CRACD: variants seen among roughly 807,000 people sequenced by gnomAD.
CRACD encodes the protein capping protein inhibiting regulator of actin dynamics.
CRACD carries 56 observed loss-of-function variants against 106.8 expected under a neutral mutation model. The observed-to-expected ratio is 0.52, with a 90% CI of 0.42 to 0.66. The LOEUF is 0.66. CRACD is among the 30% of genes least tolerant of loss of function. The probability of loss-of-function intolerance (pLI) is 0.00; values close to 1 mark genes in which losing one functional copy is unlikely to be tolerated. For missense variants in CRACD, 1,730 were observed against 1,623.2 expected, an observed-to-expected ratio of 1.07 and a Z score of -1.13; for synonymous variants, 754 against 670.8, an observed-to-expected ratio of 1.12 and a Z score of -1.92.
rs11935116 is a variant in CRACD at position 56,216,703 on chromosome 4, G to A, written c.-189+37273G>A. Among the ~76,000 whole-genome samples the A allele has an allele frequency of 1.9e-3, 285 of 152,266 alleles. 2 individuals are homozygous for A. Among genetic ancestry groups the A allele is most frequent in the Admixed American group, 8.1e-3 (124 of 15,300 alleles). ...ATTCTGAAGTAGAAAATGTCAGGCC[G>A]GGCGCGGTGGCTCACGCCTGTAATC... On this transcript the variant is annotated intron_variant, in intron 2 of 10. Coordinates refer to ENST00000682029, the MANE Select transcript of CRACD (RefSeq NM_001393381.1).
At chr4:56,258,285 G>C (rs927219768) in intron 2 of CRACD, among the ~76,000 whole-genome samples, 1 of 152,006 alleles carries the variant, frequency 6.6e-6, no homozygotes, top group Non-Finnish European at 1.5e-5. Flanking sequence ...TGACCTGAAG[G>C]CACCTCCCCA....
chr4:56,302,349 A>G (rs1428431548), intron 4 of CRACD, among the ~76,000 whole-genome samples: 1 of 152,218 alleles, frequency 6.6e-6, no homozygotes, highest in Non-Finnish European at 1.5e-5. Flanking sequence ...GTATGTACCA[A>G]CTGGTGATAA....
chr4:56,293,130 C>G (rs919486210), intron 3 of CRACD, among the ~76,000 whole-genome samples: 3 of 152,128 alleles, frequency 2.0e-5, no homozygotes, highest in Admixed American at 6.5e-5. Flanking sequence ...GAACTGGAAG[C>G]AGGTCCATAG....
chr4:56,300,842 TA>T (rs1460075365), intron 4 of CRACD, among the ~76,000 whole-genome samples: 3 of 152,170 alleles, frequency 2.0e-5, no homozygotes, highest in Non-Finnish European at 2.9e-5. Flanking sequence ...AGAAACCCAA[TA>T]AAAATATTTC....
At chr4:56,271,468 G>A (rs925886653) in intron 2 of CRACD, among the ~76,000 whole-genome samples, 7 of 152,120 alleles carry the variant, frequency 4.6e-5, no homozygotes, top group Non-Finnish European at 2.9e-5. Context: ...GAATTAGGGG[G>A]CAAAGCTTAT....
intron 1 of CRACD, among the ~76,000 whole-genome samples, chr4:56,156,889 A>T (rs543130917): frequency 6.6e-6 from 1 of 152,320 alleles, no homozygotes; most frequent in Non-Finnish European, 1.5e-5. Flanking sequence ...TTCTGCCTGT[A>T]CCTATTACCA....
chr4:56,073,381 T>C (rs913747914), intron 1 of CRACD, among the ~76,000 whole-genome samples: 3 of 152,132 alleles, frequency 2.0e-5, no homozygotes, highest in African/African-American at 7.2e-5. Context: ...TTGTCGTGTG[T>C]TTGTTGGCTG....
intron 4 of CRACD, among the ~76,000 whole-genome samples, chr4:56,305,712 G>T (rs1045105345): frequency 1.3e-5 from 2 of 152,192 alleles, no homozygotes; most frequent in Non-Finnish European, 2.9e-5. Flanking sequence ...CCCTTGCCTG[G>T]CTGTGCTCCT....
At chr4:56,105,525 C>T (rs563547755) in intron 1 of CRACD, among the ~76,000 whole-genome samples, 11 of 152,064 alleles carry the variant, frequency 7.2e-5, no homozygotes, top group Non-Finnish European at 1.0e-4. Context: ...AATTTAGGGA[C>T]GTATCTTATG....
chr4:56,109,416 C>T (rs1349759906), intron 1 of CRACD, among the ~76,000 whole-genome samples: 2 of 152,066 alleles, frequency 1.3e-5, no homozygotes, highest in African/African-American at 4.8e-5. Flanking sequence ...AATCCTTCGC[C>T]CACACTGTCA....
rs758586331 is a variant in CRACD at position 56,315,804 on chromosome 4, G to A, written c.2302G>A (p.Glu768Lys). The change falls in exon 8 of 11, where the codon GAG (glutamate) becomes AAG (lysine). Residue 768 changes from glutamate (E) to lysine (K), a missense_variant. Around this residue, in one of 5 missense-constraint regions of CRACD, gnomAD observed 1,620 missense variants for 1,481.6 expected, o/e 1.09. Transcript: ENST00000682029. The surrounding 1 kb of genome is among the most constrained non-coding windows in gnomAD (Gnocchi z 4.1). ...APQPPPAGVR[E>K]LGKGPEKSEM... ...CCAGCCTCCTCCTGCTGGTGTTCGC[G>A]AGCTCGGGAAGGGTCCGGAGAAGTC... 3.7e-6 allele frequency: 6 copies of A among 1,614,074 alleles called. No homozygotes were observed. Among genetic ancestry groups the A allele is most frequent in the Admixed American group, 3.3e-5 (2 of 60,012 alleles).
At chr4:56,214,069 A>G (rs1217784106) in intron 2 of CRACD, among the ~76,000 whole-genome samples, 1 of 152,156 alleles carries the variant, frequency 6.6e-6, no homozygotes, top group Non-Finnish European at 1.5e-5. Context: ...CTGTTTTAAC[A>G]AAATACCATC....
chr4:56,136,778 GTTTC>G (rs1466152091), intron 1 of CRACD, among the ~76,000 whole-genome samples: 1 of 152,062 alleles, frequency 6.6e-6, no homozygotes, highest in Non-Finnish European at 1.5e-5. Flanking sequence ...TGTATTGATT[GTTTC>G]TTTAAGTTTT....
At chr4:56,221,584 G>A (rs974661376) in intron 2 of CRACD, among the ~76,000 whole-genome samples, 9 of 151,988 alleles carry the variant, frequency 5.9e-5, no homozygotes, top group Non-Finnish European at 1.2e-4. Context: ...CAGAATGGGA[G>A]AAAATATTTG....
At chr4:56,172,425 G>T (rs1421637419) in intron 1 of CRACD, among the ~76,000 whole-genome samples, 1 of 152,190 alleles carries the variant, frequency 6.6e-6, no homozygotes, top group African/African-American at 2.4e-5. Context: ...ATCATGACTT[G>T]CAGAAGTGAA....
intron 2 of CRACD, among the ~76,000 whole-genome samples, chr4:56,188,499 G>C (rs1405600583): frequency 1.3e-5 from 2 of 151,802 alleles, no homozygotes; most frequent in African/African-American, 2.4e-5. Flanking sequence ...CAATAGCTTA[G>C]CTGTCCTTAA....
chr4:56,086,925 C>A (rs1733248338), intron 1 of CRACD, among the ~76,000 whole-genome samples: 1 of 152,198 alleles, frequency 6.6e-6, no homozygotes, highest in Non-Finnish European at 1.5e-5. Flanking sequence ...ATTCACTTCT[C>A]TACCACAGGT....
chr4:56,092,482 A>G (rs762597739), intron 1 of CRACD, among the ~76,000 whole-genome samples: 1 of 152,206 alleles, frequency 6.6e-6, no homozygotes, highest in Non-Finnish European at 1.5e-5. Context: ...AGTATGAGAA[A>G]AAGAATGGAA....
At chr4:56,271,963 C>G (rs1465299063) in intron 2 of CRACD, among the ~76,000 whole-genome samples, 1 of 152,182 alleles carries the variant, frequency 6.6e-6, no homozygotes, top group East Asian at 1.9e-4. Flanking sequence ...AGGCTGGTCT[C>G]AAACTCCTGG....
Sources: gnomAD v4.1 joint callset for allele counts (sites outside exome capture counted in the v4.1 genomes callset) on GRCh38, gnomAD v4.1.1 for gene constraint, gnomAD v4.1.1 regional missense constraint, Gnocchi (gnomAD v3.1) non-coding constraint, MANE v1.5 for transcripts, NCBI Gene and HGNC (gene_info 2026-07-23, HGNC 2026-07-21) for gene names.